PCDH17: variants seen among roughly 807,000 people sequenced by gnomAD.
PCDH17 encodes protocadherin 17.
In PCDH17, 21 loss-of-function variants were observed where a neutral mutation model predicts 67.7. The ratio of observed to expected loss-of-function variants is 0.31; its 90% CI spans 0.22 to 0.45. The LOEUF (loss-of-function observed/expected upper bound fraction) is 0.45. Among genes scored for constraint, PCDH17 ranks in the 20% least tolerant of loss-of-function variants. The pLI is 1.00. For missense variants in PCDH17, 1,471 were observed against 1,564.8 expected, an observed-to-expected ratio of 0.94 and a Z score of 1.01; for synonymous variants, 701 against 656.7, an observed-to-expected ratio of 1.07 and a Z score of -1.03.
rs867253099 is a variant in PCDH17, at chr13:57,661,962, C to T, written c.2566-4506C>T. 4.6e-5 allele frequency among the ~76,000 whole-genome samples: 7 copies of T among 152,214 alleles called. No homozygotes were observed. The South Asian group carries it at 1.5e-3, about 32-fold the overall frequency. ...GAAACCTCCGCCTCCTGGATTCAAG[C>T]GATTCTCGTGCCTCAGCCACCCAAG... On this transcript the variant is annotated intron_variant, in intron 1 of 3. Coordinates refer to ENST00000377918, the MANE Select transcript of PCDH17 (RefSeq NM_001040429.3).
At chr13:57,687,172 A>G (rs1955516483) in intron 3 of PCDH17, among the ~76,000 whole-genome samples, 1 of 152,044 alleles carries the variant, frequency 6.6e-6, no homozygotes, top group Non-Finnish European at 1.5e-5. Flanking sequence ...TCTCATTTAC[A>G]TTTTTACTTT....
intron 3 of PCDH17, among the ~76,000 whole-genome samples, chr13:57,707,334 CGTGT>C (rs56840875): frequency 0.27 from 39,762 of 145,602 alleles, 6,422 homozygotes; most frequent in Middle Eastern, 0.39. Context: ...GATATATGAC[CGTGT>C]GTGTGTGTGT....
chr13:57,636,411 G>C lies in PCDH17; in HGVS notation c.2565+1300G>C, dbSNP rs1051205082. Among the ~76,000 whole-genome samples the C allele has an allele frequency of 2.6e-5, 4 of 152,242 alleles. No homozygotes were observed. The East Asian group carries it at 7.7e-4, about 29-fold the overall frequency. On this transcript the variant is annotated intron_variant, in intron 1 of 3. Coordinates refer to ENST00000377918, the MANE Select transcript of PCDH17 (RefSeq NM_001040429.3). ...ATGTTTTTATTGTTAAAATGGAGCA[G>C]TAATATTTCATAATCTTATTCTTTC...
intron 3 of PCDH17, among the ~76,000 whole-genome samples, chr13:57,707,989 A>G (rs144412260): frequency 3.6e-4 from 55 of 152,164 alleles, no homozygotes; most frequent in Non-Finnish European, 6.5e-4. Context: ...CTGGGTTGAC[A>G]TACATTTTAG....
chr13:57,641,010 G>T (rs1200192693), intron 1 of PCDH17, among the ~76,000 whole-genome samples: 1 of 151,860 alleles, frequency 6.6e-6, no homozygotes, highest in Non-Finnish European at 1.5e-5. Flanking sequence ...ATTAGGGAGG[G>T]ATTTTTTGTG....
chr13:57,659,695 A>G (rs1218961281), intron 1 of PCDH17, among the ~76,000 whole-genome samples: 1 of 152,180 alleles, frequency 6.6e-6, no homozygotes, highest in Non-Finnish European at 1.5e-5. Flanking sequence ...AAGTTTTTAC[A>G]AAGTATGGTG....
chr13:57,681,658 T>C (rs1470236516), intron 3 of PCDH17, among the ~76,000 whole-genome samples: 1 of 151,746 alleles, frequency 6.6e-6, no homozygotes, highest in African/African-American at 2.4e-5. Flanking sequence ...TTAATTTCTA[T>C]ATACTCCTAA....
intron 3 of PCDH17, among the ~76,000 whole-genome samples, chr13:57,714,877 T>C (rs1593948513): frequency 6.6e-6 from 1 of 151,778 alleles, no homozygotes; most frequent in East Asian, 1.9e-4. Context: ...AAGAGAAACG[T>C]AGCAGAGAAG....
chr13:57,683,914 A>G (rs1955481938), intron 3 of PCDH17, among the ~76,000 whole-genome samples: 1 of 151,972 alleles, frequency 6.6e-6, no homozygotes, highest in Non-Finnish European at 1.5e-5. Flanking sequence ...GAAATGAAAG[A>G]TTTGCTGAAA....
chr13:57,643,059 T>A (rs549203131), intron 1 of PCDH17, among the ~76,000 whole-genome samples: 2 of 151,728 alleles, frequency 1.3e-5, no homozygotes, highest in African/African-American at 4.8e-5. Context: ...TAGCAGTGTA[T>A]ACTGAGATTA....
chr13:57,691,837 G>T (rs746810823), intron 3 of PCDH17, among the ~76,000 whole-genome samples: 1 of 151,002 alleles, frequency 6.6e-6, no homozygotes, highest in East Asian at 1.9e-4. Context: ...TTTTGCCTTT[G>T]CCTAATTAAT....
At chr13:57,693,372 CT>C (rs1388142772) in intron 3 of PCDH17, among the ~76,000 whole-genome samples, 1 of 127,206 alleles carries the variant, frequency 7.9e-6, no homozygotes. Flanking sequence ...AAAATATCTT[CT>C]CTAAAAGAAT....
At chr13:57,698,037 T>G (rs1305607872) in intron 3 of PCDH17, among the ~76,000 whole-genome samples, 1 of 151,600 alleles carries the variant, frequency 6.6e-6, no homozygotes. Context: ...TCAATGATAG[T>G]GAAAATTCAT....
chr13:57,724,804 C>G lies in PCDH17; in HGVS notation c.2990C>G (p.Thr997Ser). ...ACTGTGAATCCCACTGGGAAAAAGA[C>G]TTTTTGTACATTTGGAAAAGACAAG... ...YETVNPTGKKTFCTFGKDKRE... is the reference protein window; with the variant it reads ...YETVNPTGKKSFCTFGKDKRE... The change falls in exon 4 of 4, where the codon ACT becomes AGT. Residue 997 changes from threonine to serine, a missense_variant. Coordinates refer to ENST00000377918, the MANE Select transcript of PCDH17 (RefSeq NM_001040429.3). 6.2e-7 allele frequency: 1 copy of G among 1,614,152 alleles called. No homozygotes were observed. Among genetic ancestry groups the G allele is most frequent in the Non-Finnish European group, 8.5e-7 (1 of 1,180,002 alleles).
chr13:57,709,221 T>C (rs1365567075), intron 3 of PCDH17, among the ~76,000 whole-genome samples: 1 of 151,718 alleles, frequency 6.6e-6, no homozygotes, highest in Non-Finnish European at 1.5e-5. Context: ...ACAGCATATA[T>C]TGTATAACTA....
In PCDH17 at chr13:57,633,785, G is replaced by T; in HGVS notation, c.1239G>T (p.Lys413Asn). Reference protein sequence around the residue: ...LGGPGGSVPFKLEENYDNFYT... With the variant: ...LGGPGGSVPFNLEENYDNFYT... Reference sequence around the variant, plus strand: ...GGCCCGGGGGTTCCGTCCCCTTCAAGCTTGAGGAGAACTACGACAACTTCT... The same window carrying T: ...GGCCCGGGGGTTCCGTCCCCTTCAATCTTGAGGAGAACTACGACAACTTCT... Residue 413 changes from lysine to asparagine, a missense_variant, in exon 1 of 4, where the codon AAG becomes AAT. This residue lies in a region of PCDH17 where 1,163 missense variants were observed against 1,230.0 expected (regional missense o/e 0.95). Transcript: ENST00000377918. This position sits in a 1 kb window ranked among gnomAD's most constrained non-coding sequence, Gnocchi z 6.2. 1 of 1,604,828 alleles carries T rather than the reference G, an allele frequency of 6.2e-7. No individual in the cohort carries two copies.
chr13:57,697,847 T>C (rs561068505), intron 3 of PCDH17, among the ~76,000 whole-genome samples: 4 of 151,476 alleles, frequency 2.6e-5, no homozygotes, highest in Admixed American at 2.6e-4. Flanking sequence ...AAACTCCTAG[T>C]TGGGGGGTAC....
At chr13:57,630,801 G>C (rs1954709458), upstream of PCDH17, among the ~76,000 whole-genome samples, 2 of 152,216 alleles carry the variant, frequency 1.3e-5, no homozygotes, top group African/African-American at 4.8e-5. Flanking sequence ...TAATGTCTGT[G>C]AAGGGAGGAC....
rs200449960 is a variant in PCDH17 at position 57,689,868 on chromosome 13, A to T, written c.2797+23035A>T. 8.0e-4 allele frequency among the ~76,000 whole-genome samples: 121 copies of T among 151,988 alleles called. No homozygotes were observed. The East Asian group carries it at 0.023, about 29-fold the overall frequency. On this transcript the variant is annotated intron_variant, in intron 3 of 3. Coordinates refer to ENST00000377918, the MANE Select transcript of PCDH17 (RefSeq NM_001040429.3). ...AATATGTATACACATACATTTTATA[A>T]TTACTTTTATAATAGGCTATTCTAA... is the stretch of plus-strand genomic sequence containing the variant.
Sources: gnomAD v4.1 joint callset for allele counts (sites outside exome capture counted in the v4.1 genomes callset) on GRCh38, gnomAD v4.1.1 for gene constraint, gnomAD v4.1.1 regional missense constraint, Gnocchi (gnomAD v3.1) non-coding constraint, MANE v1.5 for transcripts, NCBI Gene and HGNC (gene_info 2026-07-23, HGNC 2026-07-21) for gene names.